ZFHX4: variants seen among roughly 807,000 people sequenced by gnomAD.
The protein encoded by ZFHX4 is zinc finger homeobox 4.
In ZFHX4, 56 loss-of-function variants were observed where a neutral mutation model predicts 267.6. That is an observed-to-expected ratio of 0.21 (90% confidence interval 0.17 to 0.26). The LOEUF (loss-of-function observed/expected upper bound fraction) is 0.26, where lower values mean the gene tolerates loss of function less well. ZFHX4 is among the 10% of genes least tolerant of loss of function. ZFHX4 has a pLI of 1.00. For missense variants in ZFHX4, 4,332 were observed against 4,420.0 expected (o/e 0.98, Z 0.56); for synonymous variants, 1,778 against 1,665.6 (o/e 1.07, Z -1.64).
In ZFHX4 at chr8:76,854,169, T is replaced by G. The variant is rs1465540904; in HGVS notation, c.7248T>G (p.Ser2416Arg). 1 of 1,593,050 alleles carries G rather than the reference T, an allele frequency of 6.3e-7. No homozygotes were observed. The highest frequency in any genetic ancestry group is 1.3e-5 in the African/African-American group (1 of 74,210). The change falls in exon 10 of 11, where the codon AGT becomes AGG. Residue 2416 changes from serine (S) to arginine (R), a missense_variant. Physicochemically the swap from Ser to Arg is moderately radical, Grantham distance 110. This residue lies in a region of ZFHX4 where 1,648 missense variants were observed against 1,625.0 expected (regional missense o/e 1.01). Transcript: ENST00000651372. Reference protein sequence around the residue: ...PEYPAEKPKQSDPSPPSQGTK... With the variant: ...PEYPAEKPKQRDPSPPSQGTK... ...ATCCCGCAGAAAAGCCAAAGCAGAG[T>G]GACCCCTCTCCCCCTTCTCAAGGCA...
At chr8:76,785,750 G>C (rs753646856) in intron 4 of ZFHX4, among the ~76,000 whole-genome samples, 16 of 152,158 alleles carry the variant, frequency 1.1e-4, no homozygotes, top group Non-Finnish European at 1.6e-4. Context: ...AAGTGAGGTG[G>C]AGAATTGAGG....
At chr8:76,773,305 G>A (rs894537091) in intron 3 of ZFHX4, among the ~76,000 whole-genome samples, 1 of 152,078 alleles carries the variant, frequency 6.6e-6, no homozygotes, top group African/African-American at 2.4e-5. Flanking sequence ...TCAGATAAAT[G>A]GAGATGAGCA....
At chr8:76,748,262 A>C (rs985540115) in intron 3 of ZFHX4, among the ~76,000 whole-genome samples, 2 of 152,098 alleles carry the variant, frequency 1.3e-5, no homozygotes, top group African/African-American at 4.8e-5. Flanking sequence ...TAGCTTCTTC[A>C]TGGATCATCC....
At chr8:76,817,722 G>C (rs112740650) in intron 4 of ZFHX4, among the ~76,000 whole-genome samples, 1 of 152,248 alleles carries the variant, frequency 6.6e-6, no homozygotes, top group Non-Finnish European at 1.5e-5. Flanking sequence ...GCATATAACC[G>C]TGAAGAACTT....
At position 76,729,590 on chromosome 8, in the gene ZFHX4, G is replaced by A. The variant is rs547589401; in HGVS notation, c.3093+21542G>A. 3.1e-4 allele frequency among the ~76,000 whole-genome samples: 47 copies of A among 152,252 alleles called. 1 individual carries two copies. In the South Asian group the frequency reaches 9.1e-3, roughly 30 times the overall value. Reference sequence around the variant, plus strand: ...AGTACTCCCATGAGATAGATGGCTCGAGAATGGGGCCTCTTAGACTCTGCC... The same window carrying A: ...AGTACTCCCATGAGATAGATGGCTCAAGAATGGGGCCTCTTAGACTCTGCC... On this transcript the variant is annotated intron_variant, in intron 3 of 10. Coordinates refer to ENST00000651372, the MANE Select transcript of ZFHX4 (RefSeq NM_024721.5).
chr8:76,829,975 A>T (rs967981608), intron 4 of ZFHX4, among the ~76,000 whole-genome samples: 1 of 152,158 alleles, frequency 6.6e-6, no homozygotes, highest in Non-Finnish European at 1.5e-5. Flanking sequence ...AAAAAAGGAA[A>T]GCTACTTTCC....
intron 3 of ZFHX4, among the ~76,000 whole-genome samples, chr8:76,776,932 G>T (rs1418656798): frequency 6.6e-6 from 1 of 152,096 alleles, no homozygotes; most frequent in Admixed American, 6.6e-5. Flanking sequence ...AGGGAGGTGG[G>T]GGAGGGAAGG....
At chr8:76,797,787 A>C (rs1034485993) in intron 4 of ZFHX4, among the ~76,000 whole-genome samples, 1 of 152,102 alleles carries the variant, frequency 6.6e-6, no homozygotes, top group Non-Finnish European at 1.5e-5. Flanking sequence ...GGTCAGTGTA[A>C]AAGTGATGTA....
At chr8:76,849,214 G>T (rs1181395715) in intron 7 of ZFHX4, 86 bp downstream of exon 7, 1 of 1,418,480 alleles carries the variant, frequency 7.0e-7, no homozygotes, top group Non-Finnish European at 9.4e-7. Context: ...ATTCCATGCT[G>T]TTGAAATGTA....
At chr8:76,733,570 T>C (rs1809078270) in intron 3 of ZFHX4, 1 of 152,222 alleles carries the variant, frequency 6.6e-6, no homozygotes, top group South Asian at 2.1e-4. Context: ...TTTGAGTCAG[T>C]GCTACTTGTA....
intron 4 of ZFHX4, among the ~76,000 whole-genome samples, chr8:76,788,507 CT>C (rs1469827407): frequency 7.9e-5 from 12 of 152,180 alleles, no homozygotes; most frequent in Admixed American, 6.5e-5. Context: ...AAAAATATGT[CT>C]CCTGCTTCTA....
intron 5 of ZFHX4, among the ~76,000 whole-genome samples, chr8:76,838,631 T>C (rs1812152956): frequency 2.0e-5 from 3 of 152,162 alleles, no homozygotes; most frequent in Non-Finnish European, 4.4e-5. Context: ...AATATGTTAA[T>C]ATAAAACTAA....
chr8:76,775,719 G>A (rs534819050), intron 3 of ZFHX4, among the ~76,000 whole-genome samples: 28 of 152,112 alleles, frequency 1.8e-4, no homozygotes, highest in South Asian at 1.5e-3. Context: ...TGTGTTTTAC[G>A]GAAGATCAGA....
intron 3 of ZFHX4, among the ~76,000 whole-genome samples, chr8:76,775,519 C>T (rs1810378974): frequency 6.6e-6 from 1 of 152,138 alleles, no homozygotes; most frequent in African/African-American, 2.4e-5. Context: ...TCCGAAAGCC[C>T]CTGATGGGGT....
chr8:76,780,965 A>G (rs1810530840), intron 4 of ZFHX4, among the ~76,000 whole-genome samples: 1 of 152,066 alleles, frequency 6.6e-6, no homozygotes, highest in African/African-American at 2.4e-5. Context: ...CTATTTCTGG[A>G]TGATTTTAAC....
At chr8:76,828,786 C>T (rs1346182488) in intron 4 of ZFHX4, among the ~76,000 whole-genome samples, 2 of 152,028 alleles carry the variant, frequency 1.3e-5, no homozygotes, top group African/African-American at 2.4e-5. Flanking sequence ...AAGAGTTGGG[C>T]TTATTGTAAA....
chr8:76,709,477 T>A (rs1650121602), intron 3 of ZFHX4, among the ~76,000 whole-genome samples: 1 of 152,180 alleles, frequency 6.6e-6, no homozygotes, highest in South Asian at 2.1e-4. Context: ...AATTGTCTAC[T>A]TTTTTCTGTT....
chr8:76,813,621 C>T (rs1811431911), intron 4 of ZFHX4, among the ~76,000 whole-genome samples: 1 of 152,026 alleles, frequency 6.6e-6, no homozygotes, highest in African/African-American at 2.4e-5. Flanking sequence ...ACTTTTATGC[C>T]TTTTTGAAAG....
intron 3 of ZFHX4, among the ~76,000 whole-genome samples, chr8:76,739,308 C>A (rs1809254895): frequency 6.6e-6 from 1 of 152,046 alleles, no homozygotes; most frequent in Non-Finnish European, 1.5e-5. Context: ...TTGTCCCTTT[C>A]TATTCATCTT....
Sources: allele counts gnomAD v4.1 joint callset (sites outside exome capture counted in the v4.1 genomes callset), GRCh38; gene constraint gnomAD v4.1.1; regional missense constraint gnomAD v4.1.1; transcripts MANE v1.5; gene names NCBI Gene and HGNC (gene_info 2026-07-23, HGNC 2026-07-21).